The following ITGAM variants were observed in gnomAD, a reference collection of about 807,000 sequenced individuals.
ITGAM encodes the protein integrin alpha-M.
In ITGAM, 79 loss-of-function variants were observed where a neutral mutation model predicts 137.5. That is an observed-to-expected ratio of 0.57 (90% CI 0.48 to 0.69). ITGAM has a LOEUF of 0.69. Ranked by LOEUF, ITGAM falls within the 30% of genes least tolerant of loss-of-function variation. The pLI, the probability that ITGAM is intolerant of heterozygous loss-of-function variation, is 0.00. For missense variants in ITGAM, 1,343 were observed against 1,483.5 expected (o/e 0.91, Z 1.56); for synonymous variants, 583 against 592.3 (o/e 0.98, Z 0.23).
At position 31,324,506 on chromosome 16, in the gene ITGAM, G is replaced by T; in HGVS notation, c.2110G>T (p.Val704Phe). The T allele has an allele frequency of 6.2e-7, 1 of 1,604,130 alleles. No individual in the cohort carries two copies. The highest frequency in any genetic ancestry group is 1.1e-5 in the South Asian group (1 of 89,078). Reference protein sequence around the residue: ...TKNSTRRQTQVLGLTQTCETL... With the variant: ...TKNSTRRQTQFLGLTQTCETL... ...GAACAGCACACGCAGACAGACACAG[G>T]TCTTGGGGCTGACCCAGACTTGTGA... Residue 704 changes from valine (V) to phenylalanine (F), a missense_variant, in exon 17 of 30, where the codon GTC becomes TTC. Coordinates refer to ENST00000544665, the MANE Select transcript of ITGAM (RefSeq NM_000632.4). The surrounding 1 kb of genome is among the most constrained non-coding windows in gnomAD (Gnocchi z 4.5).
At chr16:31,299,349 G>A (rs912858256) in intron 14 of ITGAM, among the ~76,000 whole-genome samples, 3 of 151,890 alleles carry the variant, frequency 2.0e-5, no homozygotes, top group Admixed American at 6.6e-5. Flanking sequence ...TCAGTCTGTC[G>A]CCCAGGCTGG....
At chr16:31,279,895 C>A (rs531790313) in intron 12 of ITGAM, among the ~76,000 whole-genome samples, 1 of 152,112 alleles carries the variant, frequency 6.6e-6, no homozygotes, top group Non-Finnish European at 1.5e-5. Context: ...GTCTTTAATC[C>A]ATCTTGAATT....
chr16:31,331,392 G>T, intron 29 of ITGAM, 117 bp downstream of exon 29: 2 of 704,714 alleles, frequency 2.8e-6, no homozygotes. Context: ...GAGTCTGGGA[G>T]CCTCTCTGCG....
chr16:31,329,747 G>T, intron 24 of ITGAM, 51 bp from the exon 25 acceptor site: 1 of 1,486,578 alleles, frequency 6.7e-7, no homozygotes, highest in Admixed American at 2.0e-5. Context: ...TGATTCTCCA[G>T]GCTGGTGGGG....
chr16:31,321,397 G>A lies in ITGAM; in HGVS notation c.1838+26G>A, dbSNP rs373065953. ...GTGAGAATGCCTTTTGGAGTCAACC[G>A]GACATTCTCCCTTGAAGGAATGTTT... On this transcript the variant is annotated intron_variant, in intron 15 of 29. Coordinates refer to ENST00000544665, the MANE Select transcript of ITGAM (RefSeq NM_000632.4). The A allele has an allele frequency of 5.3e-5, 85 of 1,613,664 alleles. 1 individual carries two copies. In the Admixed American group the frequency reaches 7.0e-4, roughly 13 times the overall value.
At position 31,328,138 on chromosome 16, in the gene ITGAM, T is replaced by C. The variant is rs1365930197; in HGVS notation, c.2709-9T>C. ...CAAGAGCCGGCTGGAGCTCTTTCTT[T>C]CCCTCCAGTGAGAACAACATGCCCA... is the stretch of plus-strand genomic sequence containing the variant. On this transcript the variant is annotated splice_polypyrimidine_tract_variant and intron_variant, in intron 22 of 29. Transcript: ENST00000544665. 3.1e-6 allele frequency: 5 copies of C among 1,610,092 alleles called. No homozygotes were observed. Among genetic ancestry groups the C allele is most frequent in the South Asian group, 1.1e-5 (1 of 90,980 alleles).
chr16:31,317,028 C>A (rs1356812676), intron 14 of ITGAM, among the ~76,000 whole-genome samples: 1 of 152,042 alleles, frequency 6.6e-6, no homozygotes, highest in Non-Finnish European at 1.5e-5. Context: ...TATATAAGAT[C>A]ATGTCAATTG....
rs978681325 is a variant in ITGAM, at chr16:31,298,096, G to A, written c.1707+142G>A. The A allele has an allele frequency of 9.3e-6, 7 of 754,600 alleles. No homozygotes were observed. The African/African-American group carries it at 1.3e-4, about 13-fold the overall frequency. The allele number at this position is 754,600 out of a possible 1,614,324, so 46.7% of individuals were successfully genotyped here. A position where few individuals can be genotyped will look rare whatever the true frequency, so the allele number is the denominator to read the frequency against. On this transcript the variant is annotated intron_variant, in intron 14 of 29. Coordinates refer to ENST00000544665, the MANE Select transcript of ITGAM (RefSeq NM_000632.4). ...AAAATAATAACATGTGGCTGGGCCT[G>A]GTGGCTGACGCCTGTAATCCCAGCA...
At chr16:31,296,663 G>T (rs2080137721) in intron 12 of ITGAM, among the ~76,000 whole-genome samples, 1 of 152,094 alleles carries the variant, frequency 6.6e-6, no homozygotes, top group South Asian at 2.1e-4. Flanking sequence ...GTTTGAAATT[G>T]CTATACACAT....
chr16:31,269,962 T>A (rs552961330), intron 5 of ITGAM, among the ~76,000 whole-genome samples: 93 of 152,262 alleles, frequency 6.1e-4, no homozygotes, highest in African/African-American at 2.2e-3. Context: ...CAGGTTGACC[T>A]CCCAGGCCAC....
chr16:31,321,972 G>C (rs1232693899), intron 16 of ITGAM, among the ~76,000 whole-genome samples: 1 of 152,184 alleles, frequency 6.6e-6, no homozygotes, highest in Non-Finnish European at 1.5e-5. Flanking sequence ...GATTTACAAA[G>C]CACTCACATA....
chr16:31,304,510 G>T (rs1445859268), intron 14 of ITGAM, among the ~76,000 whole-genome samples: 1 of 152,026 alleles, frequency 6.6e-6, no homozygotes, highest in Non-Finnish European at 1.5e-5. Flanking sequence ...TGCTTTTGGG[G>T]TCTTGGTCAT....
intron 14 of ITGAM, among the ~76,000 whole-genome samples, chr16:31,302,335 G>A (rs1037886315): frequency 6.6e-6 from 1 of 151,880 alleles, no homozygotes; most frequent in Non-Finnish European, 1.5e-5. Flanking sequence ...TGCTGTGAGG[G>A]CATTACTTAA....
intron 12 of ITGAM, among the ~76,000 whole-genome samples, chr16:31,291,243 G>A (rs1037823781): frequency 6.6e-6 from 1 of 152,110 alleles, no homozygotes. Flanking sequence ...ATCTGTTGAT[G>A]GACACTTAAG....
Position 31,329,919 on chromosome 16 carries a change from G to C in ITGAM, c.2976+14G>C, listed in dbSNP as rs748727848. The stretch of plus-strand genomic sequence containing the variant: ...ACCTTCTCCGAGGTGAGCGGAGCTC[G>C]GCCTGACTCCTGCACGGCCCTGCGC... On this transcript the variant is annotated intron_variant, in intron 25 of 29. Transcript: ENST00000544665. The C allele has an allele frequency of 7.7e-6, 12 of 1,554,732 alleles. No homozygotes were observed. In the Admixed American group the frequency reaches 7.8e-5, roughly 10 times the overall value.
In ITGAM at chr16:31,297,518, G is replaced by T. The variant is rs749581906; in HGVS notation, c.1361G>T (p.Gly454Val). 2 of 1,612,022 alleles carry T rather than the reference G, an allele frequency of 1.2e-6. No individual in the cohort carries two copies. The highest frequency in any genetic ancestry group is 1.7e-6 in the Non-Finnish European group (2 of 1,179,848). Residue 454 changes from glycine to valine, a missense_variant, in exon 13 of 30, where the codon GGC becomes GTC. Physicochemically the swap from Gly to Val is moderately radical, Grantham distance 109. Coordinates refer to ENST00000544665, the MANE Select transcript of ITGAM (RefSeq NM_000632.4). ...TTACGGTCCTGTCTCTTTCAGATCG[G>T]CGCCTACTTCGGGGCCTCCCTCTGC... is the stretch of plus-strand genomic sequence containing the variant. ...SNANVKGTQI[G>V]AYFGASLCSV...
chr16:31,330,605 G>C lies in ITGAM; in HGVS notation c.3276G>C (p.Gln1092His). The change falls in exon 28 of 30, where the codon CAG (glutamine) becomes CAC (histidine). Residue 1092 changes from glutamine to histidine, a missense_variant and splice_region_variant. Coordinates refer to ENST00000544665, the MANE Select transcript of ITGAM (RefSeq NM_000632.4). ...GACAGGGGGCGTTTGTGAGGTCCCA[G>C]GTACCTGTCTTGGGCGCTGAGGAAC... The part of the protein sequence containing the change: ...LPGQGAFVRS[Q>H]TETKVEPFEV... 1 of 1,602,842 alleles carries C rather than the reference G, an allele frequency of 6.2e-7. No homozygotes were observed.
chr16:31,304,492 G>A (rs777612607), intron 14 of ITGAM, among the ~76,000 whole-genome samples: 2 of 152,000 alleles, frequency 1.3e-5, no homozygotes, highest in Non-Finnish European at 2.9e-5. Flanking sequence ...TATTGGTTTT[G>A]TTGCATTTGC....
At chr16:31,322,135 G>C (rs1307116027) in intron 16 of ITGAM, among the ~76,000 whole-genome samples, 1 of 152,084 alleles carries the variant, frequency 6.6e-6, no homozygotes, top group African/African-American at 2.4e-5. Flanking sequence ...GACAGTACTA[G>C]AAAGAATTGT....
Sources: allele counts gnomAD v4.1 joint callset (sites outside exome capture counted in the v4.1 genomes callset), GRCh38; gene constraint gnomAD v4.1.1; non-coding constraint Gnocchi (gnomAD v3.1); transcripts MANE v1.5; gene names NCBI Gene and HGNC (gene_info 2026-07-23, HGNC 2026-07-21).